Variants in RALGPS1 observed in about 807,000 individuals in gnomAD.
The protein encoded by RALGPS1 is Ral GEF with PH domain and SH3 binding motif 1.
RALGPS1 carries 19 observed loss-of-function variants against 78.8 expected under a neutral mutation model. That is an observed-to-expected ratio of 0.24 (90% CI 0.17 to 0.35). RALGPS1 has a LOEUF of 0.35. RALGPS1 is among the 10% of genes least tolerant of loss of function. RALGPS1 has a pLI of 1.00. For missense variants in RALGPS1, 454 were observed against 688.3 expected (o/e 0.66, Z 3.81); for synonymous variants, 228 against 256.3 (o/e 0.89, Z 1.06).
Position 126,965,936 on chromosome 9 carries a change from C to G in RALGPS1, c.150C>G (p.Thr50=), listed in dbSNP as rs748780188. The change falls in exon 3 of 19, where the codon ACC becomes ACG. Residue 50 remains threonine (T), a synonymous_variant. Transcript: ENST00000259351. The part of the protein sequence containing the change: ...DAVVFDVLKV[T]PEEFASQITL... ...TTGTCTTCGATGTCTTGAAAGTGAC[C>G]CCAGAGGAGTTTGCTGTAAGTGAAA... is the stretch of plus-strand genomic sequence containing the variant. 8 of 1,613,982 alleles carry G rather than the reference C, an allele frequency of 5.0e-6. No individual in the cohort carries two copies. Among genetic ancestry groups the G allele is most frequent in the South Asian group, 2.2e-5 (2 of 91,086 alleles).
chr9:127,053,516 G>A (rs2048467964), intron 7 of RALGPS1, among the ~76,000 whole-genome samples: 1 of 152,124 alleles, frequency 6.6e-6, no homozygotes, highest in African/African-American at 2.4e-5. Flanking sequence ...CCTTCGCTTG[G>A]CATAGTGCCT....
At chr9:126,968,035 G>A (rs1267530031) in intron 3 of RALGPS1, among the ~76,000 whole-genome samples, 2 of 139,248 alleles carry the variant, frequency 1.4e-5, no homozygotes, top group Non-Finnish European at 3.0e-5. Flanking sequence ...ACGGAGTCTC[G>A]CTCTGTCGCC....
chr9:126,943,838 G>T (rs2037001791), intron 1 of RALGPS1, among the ~76,000 whole-genome samples: 1 of 152,200 alleles, frequency 6.6e-6, no homozygotes, highest in African/African-American at 2.4e-5. Context: ...ATGAAAATTA[G>T]GTCGTAGGGC....
At chr9:126,967,370 T>A (rs370790609) in intron 3 of RALGPS1, among the ~76,000 whole-genome samples, 3 of 152,162 alleles carry the variant, frequency 2.0e-5, no homozygotes, top group Admixed American at 2.0e-4. Flanking sequence ...TGTCCTTTTC[T>A]TTTTTCAGTC....
intron 1 of RALGPS1, among the ~76,000 whole-genome samples, chr9:126,917,058 T>TC (rs1404546833): frequency 3.9e-5 from 6 of 152,144 alleles, no homozygotes; most frequent in Admixed American, 3.3e-4. Context: ...TTTTTTTTTT[T>TC]CACTGTAGAA....
intron 17 of RALGPS1, chr9:127,213,825 G>T (rs1041747793): frequency 6.6e-6 from 1 of 152,238 alleles, no homozygotes; most frequent in Non-Finnish European, 1.5e-5. Flanking sequence ...ACAGATCTGG[G>T]GGTAGAGACC....
intron 1 of RALGPS1, among the ~76,000 whole-genome samples, chr9:126,935,759 G>T (rs1038533232): frequency 3.9e-5 from 6 of 152,246 alleles, no homozygotes; most frequent in African/African-American, 1.4e-4. Context: ...CAACAAAGGA[G>T]TAATCTCAGA....
intron 4 of RALGPS1, among the ~76,000 whole-genome samples, chr9:126,998,814 T>C (rs565240139): frequency 7.2e-5 from 11 of 151,740 alleles, no homozygotes; most frequent in African/African-American, 2.7e-4. Context: ...GTGGCACATA[T>C]ACACCATGGA....
intron 5 of RALGPS1, among the ~76,000 whole-genome samples, chr9:127,039,143 C>T (rs1361660184): frequency 6.6e-6 from 1 of 152,076 alleles, no homozygotes; most frequent in African/African-American, 2.4e-5. Context: ...TCAGTGAAAT[C>T]ATCCAAGGAG....
chr9:127,192,991 A>C (rs1299754612), intron 11 of RALGPS1, among the ~76,000 whole-genome samples: 1 of 152,246 alleles, frequency 6.6e-6, no homozygotes, highest in Non-Finnish European at 1.5e-5. Context: ...CATTAGGTAC[A>C]GAAGTCAGAG....
intron 4 of RALGPS1, among the ~76,000 whole-genome samples, chr9:127,015,180 G>T (rs1236837217): frequency 2.6e-5 from 4 of 152,162 alleles, no homozygotes; most frequent in Non-Finnish European, 4.4e-5. Flanking sequence ...AACAATGCCT[G>T]CCCAGGCTGA....
intron 4 of RALGPS1, among the ~76,000 whole-genome samples, chr9:126,987,166 G>A (rs1298486110): frequency 6.6e-6 from 1 of 152,072 alleles, no homozygotes; most frequent in Non-Finnish European, 1.5e-5. Flanking sequence ...TTCAGAGCTC[G>A]GTTCACATCC....
intron 11 of RALGPS1, among the ~76,000 whole-genome samples, chr9:127,177,633 T>C (rs2059956862): frequency 6.6e-6 from 1 of 152,174 alleles, no homozygotes; most frequent in South Asian, 2.1e-4. Flanking sequence ...CTCCCGCTGC[T>C]AGGGGTAGGG....
intron 11 of RALGPS1, among the ~76,000 whole-genome samples, chr9:127,182,325 C>T (rs1410824675): frequency 6.6e-6 from 1 of 151,004 alleles, no homozygotes; most frequent in African/African-American, 2.4e-5. Flanking sequence ...TTCCTTCCTT[C>T]CTTCCTGCCT....
At chr9:127,180,439 T>A (rs2060141987) in intron 11 of RALGPS1, among the ~76,000 whole-genome samples, 1 of 152,250 alleles carries the variant, frequency 6.6e-6, no homozygotes, top group East Asian at 1.9e-4. Context: ...CAGGCAGAGC[T>A]CAGTTCAGAG....
At chr9:127,117,265 C>T (rs1042569060) in intron 8 of RALGPS1, among the ~76,000 whole-genome samples, 1 of 152,208 alleles carries the variant, frequency 6.6e-6, no homozygotes, top group African/African-American at 2.4e-5. Context: ...ACACCCAAGA[C>T]TCAGATTGCA....
chr9:127,056,118 GCACCTC>G (rs1314976264), intron 7 of RALGPS1, among the ~76,000 whole-genome samples: 1 of 152,226 alleles, frequency 6.6e-6, no homozygotes, highest in Non-Finnish European at 1.5e-5. Flanking sequence ...TCCTGTCTTT[GCACCTC>G]AGTTGGCATT....
At position 126,976,420 on chromosome 9, in the gene RALGPS1, T is replaced by TCA. The variant is rs5900740; in HGVS notation, c.166-1257_166-1256dup. Among the ~76,000 whole-genome samples the TCA allele has an allele frequency of 4.9e-3, 739 of 150,138 alleles. 4 individuals are homozygous for TCA. Among genetic ancestry groups the TCA allele is most frequent in the African/African-American group, 0.015 (597 of 40,814 alleles). On this transcript the variant is annotated intron_variant, in intron 3 of 18. Coordinates refer to ENST00000259351, the MANE Select transcript of RALGPS1 (RefSeq NM_014636.3). Reference sequence around the variant, plus strand: ...ATTCACAGTCACACACACCATATACTCACACACACACACACACACTCAGAT... The same window carrying TCA: ...ATTCACAGTCACACACACCATATACTCACACACACACACACACACACTCAGAT...
rs547264546 is a variant in RALGPS1 at position 127,091,583 on chromosome 9, C to T, written c.610+22227C>T. 128 of 1,521,392 alleles carry T rather than the reference C, an allele frequency of 8.4e-5. No homozygotes were observed. The African/African-American group carries it at 1.4e-3, about 17-fold the overall frequency. The allele number at this position is 1,521,392 out of a possible 1,614,324, so 94.2% of individuals were successfully genotyped here. A position where few individuals can be genotyped will look rare whatever the true frequency, so the allele number is the denominator to read the frequency against. Reference sequence around the variant, plus strand: ...GCTGCTTCTCACCCTGGGATCTTCCCGTTTCCAAGCCCTGGAGTCAGGGGC... The same window carrying T: ...GCTGCTTCTCACCCTGGGATCTTCCTGTTTCCAAGCCCTGGAGTCAGGGGC... On this transcript the variant is annotated intron_variant, in intron 8 of 18. Transcript: ENST00000259351. This position sits in a 1 kb window ranked among gnomAD's most constrained non-coding sequence, Gnocchi z 4.3.
Sources: gnomAD v4.1 joint callset for allele counts (sites outside exome capture counted in the v4.1 genomes callset) on GRCh38, gnomAD v4.1.1 for gene constraint, Gnocchi (gnomAD v3.1) non-coding constraint, MANE v1.5 for transcripts, NCBI Gene and HGNC (gene_info 2026-07-23, HGNC 2026-07-21) for gene names.